The following UNC13C variants were observed in gnomAD, a reference collection of about 807,000 sequenced individuals.
UNC13C encodes unc-13 homolog C, also known as protein unc-13 homolog C.
A neutral mutation model predicts 245.4 loss-of-function variants in UNC13C; 174 were observed. The ratio of observed to expected loss-of-function variants is 0.71; its 90% CI spans 0.63 to 0.80. UNC13C has a LOEUF of 0.80. Among genes scored for constraint, UNC13C ranks in the 30% least tolerant of loss-of-function variants. The pLI, the probability that UNC13C is intolerant of heterozygous loss-of-function variation, is 0.00. For synonymous variants in UNC13C, 992 were observed against 895.1 expected, an observed-to-expected ratio of 1.11 and a Z score of -1.93; for missense variants, 2,829 against 2,602.9, an observed-to-expected ratio of 1.09 and a Z score of -1.89.
At chr15:54,268,776 G>A (rs1320361924) in intron 10 of UNC13C, among the ~76,000 whole-genome samples, 10 of 152,068 alleles carry the variant, frequency 6.6e-5, no homozygotes, top group Admixed American at 6.6e-5. Context: ...ATGATTTCTA[G>A]GACTGGCTGT....
chr15:54,019,578 A>G (rs1380217111), intron 2 of UNC13C, among the ~76,000 whole-genome samples: 1 of 152,224 alleles, frequency 6.6e-6, no homozygotes, highest in African/African-American at 2.4e-5. Context: ...ACCTGACGTC[A>G]GTTTGAAGTA....
the UNC13C span, among the ~76,000 whole-genome samples, chr15:53,971,920 G>T: frequency 4.6e-5 from 6 of 129,854 alleles, no homozygotes; most frequent in African/African-American, 1.5e-4. Flanking sequence ...ACATGAATAG[G>T]TAACACTCTT....
chr15:54,508,285 A>G (rs938363454), intron 23 of UNC13C, among the ~76,000 whole-genome samples: 5 of 152,082 alleles, frequency 3.3e-5, no homozygotes, highest in Admixed American at 6.5e-5. Flanking sequence ...TGTTTATACT[A>G]GGACAGCCAA....
intron 4 of UNC13C, among the ~76,000 whole-genome samples, chr15:54,184,689 C>T (rs1293342808): frequency 6.6e-6 from 1 of 152,156 alleles, no homozygotes; most frequent in Non-Finnish European, 1.5e-5. Context: ...TGGGTTGGTT[C>T]CAAGTCTTTG....
At chr15:54,119,882 C>A (rs917520657) in intron 2 of UNC13C, among the ~76,000 whole-genome samples, 1 of 152,112 alleles carries the variant, frequency 6.6e-6, no homozygotes, top group South Asian at 2.1e-4. Context: ...TAATTCACAA[C>A]AAGGCCCTAA....
the UNC13C span, among the ~76,000 whole-genome samples, chr15:53,895,816 T>C: frequency 5.1e-3 from 772 of 152,250 alleles, 3 homozygotes; most frequent in African/African-American, 0.018. Context: ...TCTTTGAGCA[T>C]TGAAAATATG....
At chr15:53,849,687 G>A in the UNC13C span, among the ~76,000 whole-genome samples, 3 of 152,020 alleles carry the variant, frequency 2.0e-5, no homozygotes, top group Non-Finnish European at 2.9e-5. Flanking sequence ...ATTAGATGAT[G>A]AGTCACAAGA....
At chr15:54,068,720 A>T (rs978168041) in intron 2 of UNC13C, among the ~76,000 whole-genome samples, 1 of 152,212 alleles carries the variant, frequency 6.6e-6, no homozygotes, top group Non-Finnish European at 1.5e-5. Context: ...AAAAAGCATA[A>T]GCTGCACAAT....
At chr15:53,880,278 G>T in the UNC13C span, among the ~76,000 whole-genome samples, 3 of 152,048 alleles carry the variant, frequency 2.0e-5, no homozygotes, top group East Asian at 5.8e-4. Flanking sequence ...CCAGAAGTTG[G>T]CTAAAACAAC....
chr15:54,073,635 A>C (rs934377961), intron 2 of UNC13C, among the ~76,000 whole-genome samples: 3 of 152,234 alleles, frequency 2.0e-5, no homozygotes, highest in Admixed American at 6.5e-5. Context: ...ATAACCAGTG[A>C]TGATGAGCAT....
Position 54,014,019 on chromosome 15 carries a change from A to G in UNC13C, c.1116A>G (p.Ala372=). The G allele has an allele frequency of 6.2e-7, 1 of 1,613,868 alleles. No homozygotes were observed. The highest frequency in any genetic ancestry group is 1.1e-5 in the South Asian group (1 of 91,074). The change falls in exon 2 of 33, where the codon GCA becomes GCG. Residue 372 remains alanine (A), a synonymous_variant. Coordinates refer to ENST00000260323, the MANE Select transcript of UNC13C (RefSeq NM_001080534.3). ...GACACCAGAGAGACTGCCCAAATGC[A>G]AAGCCTCGACCCATACTTGTGTACT... ...RIGHQRDCPN[A]KPRPILVYFE...
In UNC13C at chr15:54,624,842, T is replaced by C. The variant is rs1045153220; in HGVS notation, c.6359+888T>C. Among the ~76,000 whole-genome samples, 5 of 152,110 alleles carry C rather than the reference T, an allele frequency of 3.3e-5. No individual in the cohort carries two copies. The South Asian group carries it at 1.0e-3, about 32-fold the overall frequency. On this transcript the variant is annotated intron_variant, in intron 32 of 32. Coordinates refer to ENST00000260323, the MANE Select transcript of UNC13C (RefSeq NM_001080534.3). ...TTAGAGTAATTCAAAATGAGCTTACTTACAAAGGAATTTACAAAGTGGTTA... is the reference window on the plus strand; with the variant it reads ...TTAGAGTAATTCAAAATGAGCTTACCTACAAAGGAATTTACAAAGTGGTTA...
chr15:54,557,778 T>G (rs1897150001), intron 29 of UNC13C, among the ~76,000 whole-genome samples: 1 of 152,038 alleles, frequency 6.6e-6, no homozygotes, highest in Non-Finnish European at 1.5e-5. Flanking sequence ...TTTTAGAATA[T>G]AGGCTGAAAT....
At chr15:54,161,050 T>C (rs772404365) in intron 4 of UNC13C, among the ~76,000 whole-genome samples, 7 of 152,200 alleles carry the variant, frequency 4.6e-5, no homozygotes, top group Non-Finnish European at 1.0e-4. Flanking sequence ...GCTCAGTTGA[T>C]CTACAATGAG....
intron 2 of UNC13C, among the ~76,000 whole-genome samples, chr15:54,110,129 A>C (rs1023797488): frequency 6.6e-6 from 1 of 151,894 alleles, no homozygotes; most frequent in African/African-American, 2.4e-5. Context: ...AATATAAAAA[A>C]ATTAGCCAGG....
chr15:54,473,249 A>G (rs1327363586), intron 19 of UNC13C, among the ~76,000 whole-genome samples: 3 of 151,844 alleles, frequency 2.0e-5, no homozygotes, highest in South Asian at 2.1e-4. Context: ...ATAATTATAC[A>G]TATGTATGGG....
chr15:54,580,835 A>G (rs1801246460), intron 30 of UNC13C, among the ~76,000 whole-genome samples: 1 of 152,192 alleles, frequency 6.6e-6, no homozygotes, highest in African/African-American at 2.4e-5. Context: ...CTGTACCTCC[A>G]CATTCCTAAG....
chr15:54,535,040 A>T (rs1399066199), intron 26 of UNC13C, among the ~76,000 whole-genome samples: 1 of 152,174 alleles, frequency 6.6e-6, no homozygotes, highest in Non-Finnish European at 1.5e-5. Context: ...CAACAACAGG[A>T]TAAAATCGCA....
chr15:54,180,270 C>A (rs1256320788), intron 4 of UNC13C, among the ~76,000 whole-genome samples: 3 of 151,970 alleles, frequency 2.0e-5, no homozygotes, highest in Non-Finnish European at 2.9e-5. Context: ...GTTCTCTATT[C>A]CTGGACTATT....
Sources: gnomAD v4.1 joint callset for allele counts (sites outside exome capture counted in the v4.1 genomes callset) on GRCh38, gnomAD v4.1.1 for gene constraint, MANE v1.5 for transcripts, NCBI Gene and HGNC (gene_info 2026-07-23, HGNC 2026-07-21) for gene names.